Variants in IL1RAPL2 observed in about 807,000 individuals in gnomAD.
IL1RAPL2 encodes interleukin 1 receptor accessory protein like 2, also known as X-linked interleukin-1 receptor accessory protein-like 2.
IL1RAPL2 carries 3 observed loss-of-function variants against 44.1 expected under a neutral mutation model. The observed-to-expected ratio is 0.07, with a 90% CI of 0.03 to 0.18. The LOEUF is 0.18. Among genes scored for constraint, IL1RAPL2 ranks in the 10% least tolerant of loss-of-function variants. The pLI, the probability that IL1RAPL2 is intolerant of heterozygous loss-of-function variation, is 1.00. For missense variants in IL1RAPL2, 391 were observed against 496.4 expected, an observed-to-expected ratio of 0.79 and a Z score of 2.02; for synonymous variants, 181 against 178.8, an observed-to-expected ratio of 1.01 and a Z score of -0.10.
At chrX:105,271,703 C>G (rs1450032321) in intron 5 of IL1RAPL2, among the ~76,000 whole-genome samples, 1 of 110,737 alleles carries the variant, frequency 9.0e-6, no homozygotes, top group Non-Finnish European at 1.9e-5. Flanking sequence ...TTTGTATCCT[C>G]TTTTATTTCC....
At chrX:104,763,428 T>G (rs1932500638) in intron 2 of IL1RAPL2, among the ~76,000 whole-genome samples, 1 of 112,213 alleles carries the variant, frequency 8.9e-6, no homozygotes, top group African/African-American at 3.2e-5. Context: ...TTTTTCTGTC[T>G]TCTTCTTAGC....
At chrX:104,661,743 G>C (rs1250548863) in intron 2 of IL1RAPL2, among the ~76,000 whole-genome samples, 3 of 111,775 alleles carry the variant, frequency 2.7e-5, no homozygotes, top group Non-Finnish European at 5.6e-5. Context: ...GCTTCATGTA[G>C]CTTGTGAAGT....
chrX:105,688,454 T>A (rs936287155), intron 6 of IL1RAPL2, among the ~76,000 whole-genome samples: 2 of 111,561 alleles, frequency 1.8e-5, no homozygotes, highest in African/African-American at 6.5e-5. Flanking sequence ...CCAAATTATG[T>A]GTGAACTCCC....
intron 5 of IL1RAPL2, among the ~76,000 whole-genome samples, chrX:105,409,155 T>C (rs2035673201): frequency 9.1e-6 from 1 of 110,370 alleles, no homozygotes; most frequent in East Asian, 2.8e-4. Flanking sequence ...TTTACCTTTA[T>C]TAAATTTTTT....
intron 6 of IL1RAPL2, among the ~76,000 whole-genome samples, chrX:105,689,470 CTCA>C (rs2038016284): frequency 8.9e-6 from 1 of 112,303 alleles, no homozygotes; most frequent in Non-Finnish European, 1.9e-5. Flanking sequence ...TGAAAAACTG[CTCA>C]TCATCACTGG....
intron 2 of IL1RAPL2, among the ~76,000 whole-genome samples, chrX:104,784,312 G>A (rs992794289): frequency 4.5e-5 from 5 of 111,866 alleles, no homozygotes; most frequent in Non-Finnish European, 9.4e-5. Flanking sequence ...GGAGAGATGT[G>A]TTTGAAATTA....
chrX:105,463,886 G>C (rs2036110653), intron 5 of IL1RAPL2, among the ~76,000 whole-genome samples: 1 of 112,007 alleles, frequency 8.9e-6, no homozygotes, highest in Non-Finnish European at 1.9e-5. Flanking sequence ...CTAGTACTTG[G>C]CATATCCTAC....
chrX:105,476,699 A>G lies in IL1RAPL2; in HGVS notation c.698-7614A>G, dbSNP rs183562408. Among the ~76,000 whole-genome samples the G allele has an allele frequency of 4.9e-3, 547 of 112,458 alleles. 2 individuals carry two copies. The highest frequency in any genetic ancestry group is 9.1e-3 in the Middle Eastern group (2 of 219). On this transcript the variant is annotated intron_variant, in intron 5 of 10. Coordinates refer to ENST00000372582, the MANE Select transcript of IL1RAPL2 (RefSeq NM_017416.2). ...ATTGCTACAGTGGTTAGTTGATGGA[A>G]GTAATAACAAGCTGAAATAAAAACA...
intron 2 of IL1RAPL2, among the ~76,000 whole-genome samples, chrX:105,009,742 A>T (rs1413213685): frequency 9.1e-6 from 1 of 110,378 alleles, no homozygotes; most frequent in Non-Finnish European, 1.9e-5. Flanking sequence ...TAAAACTTAA[A>T]GTATAATAAT....
chrX:105,361,173 G>A (rs2035244863), intron 5 of IL1RAPL2, among the ~76,000 whole-genome samples: 1 of 111,146 alleles, frequency 9.0e-6, no homozygotes, highest in Non-Finnish European at 1.9e-5. Flanking sequence ...AAAATAAATA[G>A]AATTGAGCAA....
chrX:105,160,843 A>G (rs1368957258), intron 2 of IL1RAPL2, among the ~76,000 whole-genome samples: 1 of 112,152 alleles, frequency 8.9e-6, no homozygotes, highest in Non-Finnish European at 1.9e-5. Context: ...AAAACTAAAC[A>G]GAATATCTTA....
At chrX:105,747,368 C>T in intron 8 of IL1RAPL2, among the ~76,000 whole-genome samples, 1 of 106,522 alleles carries the variant, frequency 9.4e-6, no homozygotes, top group South Asian at 4.4e-4. Context: ...TTCTATCCTT[C>T]CCCCTCTCTC....
chrX:104,584,994 A>T (rs889978536), intron 1 of IL1RAPL2, among the ~76,000 whole-genome samples: 2 of 104,906 alleles, frequency 1.9e-5, no homozygotes, highest in Non-Finnish European at 3.9e-5. Flanking sequence ...ATCAAACAAA[A>T]CAGGAGTGAA....
intron 6 of IL1RAPL2, among the ~76,000 whole-genome samples, chrX:105,486,291 C>T (rs1186250809): frequency 8.9e-6 from 1 of 111,997 alleles, no homozygotes; most frequent in Non-Finnish European, 1.9e-5. Flanking sequence ...TCCTAATGTT[C>T]ACTTTTCCAA....
intron 8 of IL1RAPL2, 147 bp downstream of exon 8, chrX:105,740,838 G>A: frequency 2.1e-6 from 1 of 467,011 alleles, no homozygotes; most frequent in Non-Finnish European, 3.5e-6. Context: ...CTCTTGCTCT[G>A]CATATTAGCA....
At chrX:105,609,526 T>TAAA (rs1402075183) in intron 6 of IL1RAPL2, among the ~76,000 whole-genome samples, 1 of 112,002 alleles carries the variant, frequency 8.9e-6, no homozygotes. Flanking sequence ...CCATCTTTGT[T>TAAA]AAGTTTTAGT....
At chrX:105,671,528 A>G (rs1434607306) in intron 6 of IL1RAPL2, among the ~76,000 whole-genome samples, 1 of 111,626 alleles carries the variant, frequency 9.0e-6, no homozygotes, top group Non-Finnish European at 1.9e-5. Context: ...CGTATTGACT[A>G]AGAGCAGTGA....
At chrX:105,325,672 C>A (rs2034932887) in intron 5 of IL1RAPL2, among the ~76,000 whole-genome samples, 1 of 107,342 alleles carries the variant, frequency 9.3e-6, no homozygotes, top group African/African-American at 3.5e-5. Flanking sequence ...AAAGTGACTG[C>A]ACCATTTTAC....
chrX:104,691,157 G>T (rs1931085501), intron 2 of IL1RAPL2, among the ~76,000 whole-genome samples: 1 of 112,270 alleles, frequency 8.9e-6, no homozygotes, highest in African/African-American at 3.2e-5. Context: ...GCTAAAGAAT[G>T]GAATCAACCA....
Sources: allele counts gnomAD v4.1 joint callset (sites outside exome capture counted in the v4.1 genomes callset), GRCh38; gene constraint gnomAD v4.1.1; transcripts MANE v1.5; gene names NCBI Gene and HGNC (gene_info 2026-07-23, HGNC 2026-07-21).